The following HMX1 variants were observed in gnomAD, a reference collection of about 807,000 sequenced individuals.
The protein encoded by HMX1 is homeobox protein HMX1.
HMX1 carries 8 observed loss-of-function variants against 8.9 expected under a neutral mutation model. The observed-to-expected ratio is 0.90, with a 90% CI of 0.53 to 1.63. HMX1 has a LOEUF of 1.63. Ranked by LOEUF, HMX1 falls within the 40% of genes most tolerant of loss-of-function variation. HMX1 has a pLI of 0.00. For synonymous variants in HMX1, 311 were observed against 283.4 expected, an observed-to-expected ratio of 1.10 and a Z score of -0.98; for missense variants, 621 against 558.5, an observed-to-expected ratio of 1.11 and a Z score of -1.13.
Position 8,867,265 on chromosome 4 carries a change from C to T in HMX1, c.*428G>A, listed in dbSNP as rs1342548369. On this transcript the variant is annotated 3_prime_UTR_variant, in exon 2 of 2. Coordinates refer to ENST00000400677, the MANE Select transcript of HMX1 (RefSeq NM_018942.3). ...TGCTGTCTGGGTCCCAGGAAAGGGA[C>T]GTTTAGTGTTGGGGGCAGTCTGTGG... The T allele has an allele frequency of 3.0e-6, 3 of 986,476 alleles. No homozygotes were observed. The highest frequency in any genetic ancestry group is 3.5e-5 in the African/African-American group (2 of 57,402). 61.1% of individuals were successfully genotyped at this position (986,476 alleles called of 1,614,324 possible). A position where few individuals can be genotyped will look rare whatever the true frequency, so the allele number is the denominator to read the frequency against.
Position 8,871,539 on chromosome 4 carries a change from C to A in HMX1, c.76G>T (p.Ala26Ser). 1 of 1,364,434 alleles carries A rather than the reference C, an allele frequency of 7.3e-7. No individual in the cohort carries two copies. Among genetic ancestry groups the A allele is most frequent in the Non-Finnish European group, 9.5e-7 (1 of 1,056,420 alleles). The allele number at this position is 1,364,434 out of a possible 1,614,324, so 84.5% of individuals were successfully genotyped here. A position where few individuals can be genotyped will look rare whatever the true frequency, so the allele number is the denominator to read the frequency against. Residue 26 changes from alanine to serine, a missense_variant, in exon 1 of 2, where the codon GCG becomes TCG. Coordinates refer to ENST00000400677, the MANE Select transcript of HMX1 (RefSeq NM_018942.3). The surrounding 1 kb of genome is among the most constrained non-coding windows in gnomAD (Gnocchi z 4.8). Reference sequence around the variant, plus strand: ...CGCCCTGCGCCCTTGGCCTCGGCCGCCAGCAGGTTCTCGATGAGGAAGGAG... The same window carrying A: ...CGCCCTGCGCCCTTGGCCTCGGCCGACAGCAGGTTCTCGATGAGGAAGGAG... ...ASSFLIENLL[A>S]AEAKGAGRAT...
At chr4:8,850,804 G>A (rs1028878273) in intron 1 of HMX1, among the ~76,000 whole-genome samples, 3 of 152,254 alleles carry the variant, frequency 2.0e-5, no homozygotes, top group Non-Finnish European at 4.4e-5. Context: ...GTCTGGATCC[G>A]GCATCTCTCC....
At position 8,848,866 on chromosome 4, in the gene HMX1, A is replaced by G. The variant is rs1721351599; in HGVS notation, c.395-2542T>C. On this transcript the variant is annotated intron_variant, in intron 1 of 1. Coordinates refer to the HMX1 transcript ENST00000506970. The surrounding 1 kb of genome is among the most constrained non-coding windows in gnomAD (Gnocchi z 4.1). ...GGCCTGGAGTCCCTGACACTTGGCC[A>G]TCTGTGCACCGTGCTCAAAGCCTCA... Among the ~76,000 whole-genome samples, 1 of 152,222 alleles carries G rather than the reference A, an allele frequency of 6.6e-6. No individual in the cohort carries two copies. The highest frequency in any genetic ancestry group is 2.4e-5 in the African/African-American group (1 of 41,474).
downstream of HMX1, among the ~76,000 whole-genome samples, chr4:8,866,557 G>A (rs899987851): frequency 6.6e-6 from 1 of 152,232 alleles, no homozygotes; most frequent in Non-Finnish European, 1.5e-5. Context: ...TCCACCACCT[G>A]AGTCCTCCAG....
rs1200199532 is a variant in HMX1, at chr4:8,847,851, T to C, written c.395-1527A>G. On this transcript the variant is annotated intron_variant, in intron 1 of 1. Coordinates refer to the HMX1 transcript ENST00000506970. The surrounding 1 kb of genome is among the most constrained non-coding windows in gnomAD (Gnocchi z 6.0). Reference sequence around the variant, plus strand: ...GGGAAGGACAAGAAGAACCTCGGGGTTGGCTGGAGTGGCTCTGGAGAGGAC... The same window carrying C: ...GGGAAGGACAAGAAGAACCTCGGGGCTGGCTGGAGTGGCTCTGGAGAGGAC... Among the ~76,000 whole-genome samples, 1 of 152,082 alleles carries C rather than the reference T, an allele frequency of 6.6e-6. No individual in the cohort carries two copies. Among genetic ancestry groups the C allele is most frequent in the African/African-American group, 2.4e-5 (1 of 41,412 alleles).
downstream of HMX1, among the ~76,000 whole-genome samples, chr4:8,863,647 C>T (rs138359082): frequency 4.4e-4 from 67 of 152,378 alleles, no homozygotes; most frequent in East Asian, 0.01. Context: ...GAATCCACAC[C>T]TCCAAGGGCA....
At chr4:8,855,412 C>A (rs563391252) in intron 1 of HMX1, among the ~76,000 whole-genome samples, 1 of 152,284 alleles carries the variant, frequency 6.6e-6, no homozygotes, top group African/African-American at 2.4e-5. Flanking sequence ...GAAAGTCAGA[C>A]AAGAAACAGC....
In HMX1 at chr4:8,867,706, G is replaced by C; in HGVS notation, c.1034C>G (p.Pro345Arg). Residue 345 changes from proline to arginine, a missense_variant, in exon 2 of 2, where the codon CCT (proline) becomes CGT (arginine). By Grantham distance (103) the Pro-to-Arg change is moderately radical. Coordinates refer to ENST00000400677, the MANE Select transcript of HMX1 (RefSeq NM_018942.3). ...GGCAGGCGGGGCTCACACCAGGCCA[G>C]GCATCTGCGCCCGCAGAAAGGGCAC... is the stretch of plus-strand genomic sequence containing the variant. Reference protein sequence around the residue: ...ASVPFLRAQMPGLV With the variant: ...ASVPFLRAQMRGLV 1 of 1,275,522 alleles carries C rather than the reference G, an allele frequency of 7.8e-7. No homozygotes were observed. The highest frequency in any genetic ancestry group is 9.9e-7 in the Non-Finnish European group (1 of 1,015,074). 79.0% of individuals were successfully genotyped at this position (1,275,522 alleles called of 1,614,324 possible).
At position 8,868,212 on chromosome 4, in the gene HMX1, C is replaced by G. The variant is rs1233349432; in HGVS notation, c.528G>C (p.Thr176=). The change falls in exon 2 of 2, where the codon ACG becomes ACC. Residue 176 remains threonine (T), a synonymous_variant. Transcript: ENST00000400677. The surrounding 1 kb of genome is among the most constrained non-coding windows in gnomAD (Gnocchi z 4.6). ...CCTCGGCCAGCTCCGACGCCTCCTCCGTGCCGGCCGCCGGGCCACGCGCCG... is the reference window on the plus strand; with the variant it reads ...CCTCGGCCAGCTCCGACGCCTCCTCGGTGCCGGCCGCCGGGCCACGCGCCG... The part of the protein sequence containing the change: ...ELAARGPAAG[T]EEASELAEVP... 2 of 1,451,424 alleles carry G rather than the reference C, an allele frequency of 1.4e-6. No homozygotes were observed. The highest frequency in any genetic ancestry group is 1.5e-5 in the African/African-American group (1 of 67,604). 89.9% of individuals were successfully genotyped at this position (1,451,424 alleles called of 1,614,324 possible).
downstream of HMX1, among the ~76,000 whole-genome samples, chr4:8,863,618 C>G (rs991166253): frequency 2.0e-5 from 3 of 150,876 alleles, no homozygotes; most frequent in African/African-American, 7.5e-5. Context: ...AAAGGCCAAG[C>G]TGGGTGGAGC....
At chr4:8,869,327 G>A (rs1722134444) in intron 1 of HMX1, among the ~76,000 whole-genome samples, 1 of 152,236 alleles carries the variant, frequency 6.6e-6, no homozygotes, top group Non-Finnish European at 1.5e-5. Context: ...GAGGGCAGCA[G>A]CCTCCCACTG....
At chr4:8,852,432 C>T (rs1366779515) in intron 1 of HMX1, among the ~76,000 whole-genome samples, 2 of 152,216 alleles carry the variant, frequency 1.3e-5, no homozygotes, top group Admixed American at 1.3e-4. Flanking sequence ...GGTCGGAAGC[C>T]TTGGACAAAG....
rs556904902 is a variant in HMX1, at chr4:8,867,408, G to T, written c.*285C>A. 3.5e-4 allele frequency: 374 copies of T among 1,081,006 alleles called. 3 individuals are homozygous for T. The African/African-American group carries it at 5.7e-3, about 16-fold the overall frequency. 67.0% of individuals were successfully genotyped at this position (1,081,006 alleles called of 1,614,324 possible). A position where few individuals can be genotyped will look rare whatever the true frequency, so the allele number is the denominator to read the frequency against. ...GCCGACCGCTCCTCGCTGAGGCCGG[G>T]GGGTGGCCGTGGCGCCGGGGGCTGC... On this transcript the variant is annotated 3_prime_UTR_variant, in exon 2 of 2. Transcript: ENST00000400677.
At position 8,861,188 on chromosome 4, in the gene HMX1, T is replaced by C. The variant is rs373049504; in HGVS notation, c.394+10033A>G. Among the ~76,000 whole-genome samples the C allele has an allele frequency of 3.7e-4, 56 of 152,134 alleles. 1 individual carries two copies. Among genetic ancestry groups the C allele is most frequent in the South Asian group, 1.0e-3 (5 of 4,820 alleles). ...CCGGGCGCCGCTGCCCTCCTCTACC[T>C]GCTGGGAAGCGCAGGCCGAGCAGGG... On this transcript the variant is annotated intron_variant, in intron 1 of 1. Transcript: ENST00000506970.
intron 1 of HMX1, among the ~76,000 whole-genome samples, chr4:8,869,043 C>G (rs1051893882): frequency 6.6e-6 from 1 of 152,230 alleles, no homozygotes; most frequent in African/African-American, 2.4e-5. Context: ...CAAGTCCACA[C>G]CAGCCACAAT....
Position 8,870,179 on chromosome 4 carries a change from G to A in HMX1, c.394+1042C>T. ...GGATCCCAGAGCCGGAGCCTGCAGA[G>A]GGCCCACGTCCTCAGCTGGCCTCAA... On this transcript the variant is annotated intron_variant, in intron 1 of 1. Coordinates refer to ENST00000400677, the MANE Select transcript of HMX1 (RefSeq NM_018942.3). This position sits in a 1 kb window ranked among gnomAD's most constrained non-coding sequence, Gnocchi z 4.4. 6.6e-6 allele frequency among the ~76,000 whole-genome samples: 1 copy of A among 152,232 alleles called. No homozygotes were observed. The highest frequency in any genetic ancestry group is 1.9e-4 in the East Asian group (1 of 5,166).
At position 8,851,937 on chromosome 4, in the gene HMX1, G is replaced by A. The variant is rs142276264; in HGVS notation, c.395-5613C>T. Among the ~76,000 whole-genome samples the A allele has an allele frequency of 7.0e-4, 106 of 152,330 alleles. 2 individuals are homozygous for A. In the East Asian group the frequency reaches 0.019, roughly 28 times the overall value. ...AGACAGCTCCAGGCAGAGATGGGAG[G>A]GCCTCGAACCTGCGTCCTGTGTCAA... On this transcript the variant is annotated intron_variant, in intron 1 of 1. Coordinates refer to the HMX1 transcript ENST00000506970.
intron 1 of HMX1, among the ~76,000 whole-genome samples, chr4:8,857,174 C>A (rs1324401505): frequency 1.3e-5 from 2 of 152,206 alleles, no homozygotes; most frequent in African/African-American, 4.8e-5. Context: ...TTTAAAATAA[C>A]GAACAGAGTC....
Position 8,849,696 on chromosome 4 carries a change from A to C in HMX1, c.395-3372T>G, listed in dbSNP as rs1036094481. 6.6e-6 allele frequency among the ~76,000 whole-genome samples: 1 copy of C among 152,162 alleles called. No homozygotes were observed. The highest frequency in any genetic ancestry group is 1.5e-5 in the Non-Finnish European group (1 of 68,010). Reference sequence around the variant, plus strand: ...GCGGTCTTCAACTGTCATCAGGCCCATGTGGATGCAACCCCAGGGGTTTTT... The same window carrying C: ...GCGGTCTTCAACTGTCATCAGGCCCCTGTGGATGCAACCCCAGGGGTTTTT... On this transcript the variant is annotated intron_variant, in intron 1 of 1. Transcript: ENST00000506970. The surrounding 1 kb of genome is among the most constrained non-coding windows in gnomAD (Gnocchi z 6.6).
Sources: allele counts gnomAD v4.1 joint callset (sites outside exome capture counted in the v4.1 genomes callset), GRCh38; gene constraint gnomAD v4.1.1; non-coding constraint Gnocchi (gnomAD v3.1); transcripts MANE v1.5; gene names NCBI Gene and HGNC (gene_info 2026-07-23, HGNC 2026-07-21).